TMEM26: variants seen among roughly 807,000 people sequenced by gnomAD.
TMEM26 encodes the protein transmembrane protein 26.
Under a neutral mutation model 28.8 loss-of-function variants are expected in TMEM26, and 38 were observed. That is an observed-to-expected ratio of 1.32 (90% CI 1.02 to 1.73). TMEM26 has a LOEUF of 1.73. TMEM26 is among the 40% of genes most tolerant of loss of function. TMEM26 has a pLI of 0.00. For missense variants in TMEM26, 518 were observed against 447.1 expected, an observed-to-expected ratio of 1.16 and a Z score of -1.43; for synonymous variants, 227 against 182.9, an observed-to-expected ratio of 1.24 and a Z score of -1.95.
chr10:61,408,564 A>G lies in TMEM26; in HGVS notation c.*1758T>C, dbSNP rs143470647. 1.2e-4 allele frequency: 18 copies of G among 152,338 alleles called. No individual in the cohort carries two copies. In the East Asian group the frequency reaches 2.5e-3, roughly 21 times the overall value. 9.4% of individuals were successfully genotyped at this position (152,338 alleles called of 1,614,324 possible). On this transcript the variant is annotated 3_prime_UTR_variant, in exon 6 of 6. Transcript: ENST00000399298. Reference sequence around the variant, plus strand: ...CATAAAGCAGTCAACATAAAAACAGATTCTGCTGAGGCATTTTTATAAATA... The same window carrying G: ...CATAAAGCAGTCAACATAAAAACAGGTTCTGCTGAGGCATTTTTATAAATA...
intron 1 of TMEM26, among the ~76,000 whole-genome samples, chr10:61,442,909 T>A (rs1840117390): frequency 6.6e-6 from 1 of 152,130 alleles, no homozygotes; most frequent in Admixed American, 6.5e-5. Context: ...CTACCTCTCT[T>A]CAACTCCTCA....
intron 3 of TMEM26, among the ~76,000 whole-genome samples, chr10:61,430,570 A>T (rs1269165219): frequency 7.0e-6 from 1 of 142,582 alleles, no homozygotes; most frequent in Non-Finnish European, 1.5e-5. Flanking sequence ...CAAAGAACTG[A>T]CAAAAAAAAA....
At chr10:61,435,483 G>A (rs1352020419) in intron 2 of TMEM26, among the ~76,000 whole-genome samples, 1 of 152,160 alleles carries the variant, frequency 6.6e-6, no homozygotes, top group Non-Finnish European at 1.5e-5. Flanking sequence ...CTGGCCGGAA[G>A]CTACTATTTT....
Position 61,448,619 on chromosome 10 carries a change from G to GT in TMEM26, c.191+4271dup, listed in dbSNP as rs199499296. ...GACCGTGTTTGTTTTCTGTTTTTTT[G>GT]TTTTTTTTTTTTTTTGGTCTGGTCA... is the stretch of plus-strand genomic sequence containing the variant. On this transcript the variant is annotated intron_variant, in intron 1 of 5. Transcript: ENST00000399298. Among the ~76,000 whole-genome samples the GT allele has an allele frequency of 2.5e-3, 311 of 126,508 alleles. 1 individual carries two copies. The highest frequency in any genetic ancestry group is 0.018 in the Middle Eastern group (4 of 228). The allele number at this position is 126,508 out of a possible 152,430, so 83.0% of individuals were successfully genotyped here. A position where few individuals can be genotyped will look rare whatever the true frequency, so the allele number is the denominator to read the frequency against.
chr10:61,431,157 T>G, intron 3 of TMEM26, 62 bp downstream of exon 3: 1 of 1,338,624 alleles, frequency 7.5e-7, no homozygotes, highest in Non-Finnish European at 1.1e-6. Context: ...AGCAGGTAAT[T>G]GAGGATTATA....
chr10:61,441,912 T>G (rs1840099110), intron 1 of TMEM26, among the ~76,000 whole-genome samples: 1 of 152,182 alleles, frequency 6.6e-6, no homozygotes, highest in Non-Finnish European at 1.5e-5. Flanking sequence ...AAGTTGTGTT[T>G]TTTTGTTTTA....
chr10:61,416,269 T>C (rs1839651060), intron 4 of TMEM26: 3 of 356,646 alleles, frequency 8.4e-6, no homozygotes, highest in South Asian at 4.4e-5. Context: ...TGCAAGGCAG[T>C]AGAAAGCAGT....
chr10:61,450,248 G>T (rs1467459550), intron 1 of TMEM26, among the ~76,000 whole-genome samples: 2 of 152,008 alleles, frequency 1.3e-5, no homozygotes, highest in African/African-American at 2.4e-5. Flanking sequence ...TATAGATGTT[G>T]CCATAATGTT....
intron 2 of TMEM26, among the ~76,000 whole-genome samples, chr10:61,432,701 T>C (rs564025319): frequency 3.2e-4 from 48 of 152,306 alleles, no homozygotes; most frequent in Non-Finnish European, 3.7e-4. Context: ...TTAATTATTC[T>C]GGATACATCG....
At chr10:61,428,226 G>A (rs955426000) in intron 4 of TMEM26, among the ~76,000 whole-genome samples, 1 of 151,968 alleles carries the variant, frequency 6.6e-6, no homozygotes, top group African/African-American at 2.4e-5. Flanking sequence ...AGTATATTCA[G>A]GCACTGAGAC....
At position 61,429,092 on chromosome 10, in the gene TMEM26, C is replaced by A; in HGVS notation, c.439G>T (p.Gly147Ter). The change falls in exon 4 of 6, where the codon GGA becomes TGA. Residue 147 changes from glycine to a stop codon, truncating the protein, a stop_gained. Coordinates refer to ENST00000399298, the MANE Select transcript of TMEM26 (RefSeq NM_178505.8). LOFTEE classifies it high-confidence loss of function. ...STVCEKVWTL[G>*]LHQTFLLMLI... ...ATTAACAGGAATGTCTGATGGAGTC[C>A]CAATGTCCAAACTTTCTCACATACT... The A allele has an allele frequency of 6.2e-7, 1 of 1,613,128 alleles. No individual in the cohort carries two copies. The highest frequency in any genetic ancestry group is 8.5e-7 in the Non-Finnish European group (1 of 1,179,404).
intron 4 of TMEM26, among the ~76,000 whole-genome samples, chr10:61,427,655 C>G (rs1839854094): frequency 6.6e-6 from 1 of 151,948 alleles, no homozygotes; most frequent in East Asian, 1.9e-4. Flanking sequence ...TATGACTGGC[C>G]CCACAAAACA....
chr10:61,452,864 G>A (rs767059791), intron 1 of TMEM26, 27 bp downstream of exon 1: 4 of 1,602,490 alleles, frequency 2.5e-6, no homozygotes, highest in South Asian at 1.1e-5. Context: ...GGCCCCGTGC[G>A]CCCTCGCTTT....
Position 61,407,115 on chromosome 10 carries a change from C to T in TMEM26, c.*3207G>A, listed in dbSNP as rs199984050. On this transcript the variant is annotated 3_prime_UTR_variant, in exon 6 of 6. Coordinates refer to ENST00000399298, the MANE Select transcript of TMEM26 (RefSeq NM_178505.8). ...GCCTGGCATTTGCAATTCTTTCTCT[C>T]CTGTAACAGGAAAAGTTGGTTAAGA... The T allele has an allele frequency of 6.1e-3, 922 of 152,222 alleles. 6 individuals are homozygous for T. Among genetic ancestry groups the T allele is most frequent in the African/African-American group, 0.021 (868 of 41,546 alleles). The allele number at this position is 152,222 out of a possible 1,614,324, so 9.4% of individuals were successfully genotyped here.
intron 1 of TMEM26, 168 bp downstream of exon 1, chr10:61,452,723 G>T: frequency 2.5e-6 from 2 of 800,012 alleles, no homozygotes; most frequent in Non-Finnish European, 4.0e-6. Context: ...GTGGCCCTGG[G>T]GTGCCCAAGA....
intron 4 of TMEM26, among the ~76,000 whole-genome samples, chr10:61,427,125 C>A (rs1038953174): frequency 6.6e-6 from 1 of 151,966 alleles, no homozygotes; most frequent in African/African-American, 2.4e-5. Flanking sequence ...AAAACATTAA[C>A]CAATAAAAAC....
chr10:61,415,727 T>G (rs1839640740), intron 4 of TMEM26, among the ~76,000 whole-genome samples: 2 of 152,064 alleles, frequency 1.3e-5, no homozygotes, highest in South Asian at 4.1e-4. Flanking sequence ...GTCTGCTCTA[T>G]TCTACAATGT....
At chr10:61,447,787 G>T (rs966014107) in intron 1 of TMEM26, among the ~76,000 whole-genome samples, 4 of 152,078 alleles carry the variant, frequency 2.6e-5, no homozygotes, top group African/African-American at 9.7e-5. Context: ...TAAGGCCTCA[G>T]CTCAAAGGTC....
At position 61,452,922 on chromosome 10, in the gene TMEM26, G is replaced by A. The variant is rs1023854013; in HGVS notation, c.160C>T (p.Leu54Phe). The A allele has an allele frequency of 1.2e-5, 19 of 1,613,834 alleles. No homozygotes were observed. The highest frequency in any genetic ancestry group is 1.4e-5 in the Non-Finnish European group (17 of 1,179,892). Residue 54 changes from leucine (L) to phenylalanine (F), a missense_variant, in exon 1 of 6, where the codon CTC becomes TTC. Transcript: ENST00000399298. Reference protein sequence around the residue: ...LLLFLETALTLKFKRGRGYKW... With the variant: ...LLLFLETALTFKFKRGRGYKW... ...TAGCCTCTGCCGCGCTTGAACTTGA[G>A]GGTGAGCGCAGTCTCCAGGAAGAGC...
Sources: gnomAD v4.1 joint callset for allele counts (sites outside exome capture counted in the v4.1 genomes callset) on GRCh38, gnomAD v4.1.1 for gene constraint, MANE v1.5 for transcripts, NCBI Gene and HGNC (gene_info 2026-07-23, HGNC 2026-07-21) for gene names.